FRK: variants seen among roughly 807,000 people sequenced by gnomAD.
FRK encodes fyn related Src family tyrosine kinase.
FRK carries 51 observed loss-of-function variants against 56.4 expected under a neutral mutation model. That is an observed-to-expected ratio of 0.90 (90% CI 0.72 to 1.14). The LOEUF (loss-of-function observed/expected upper bound fraction) is 1.14, where lower values mean the gene tolerates loss of function less well. Ranked by LOEUF, FRK falls within the 50% of genes most tolerant of loss-of-function variation. FRK has a pLI of 0.00. For synonymous variants in FRK, 245 were observed against 217.9 expected (o/e 1.12, Z -1.10); for missense variants, 570 against 601.4 (o/e 0.95, Z 0.55).
chr6:115,968,821 G>A (rs1773694044), intron 2 of FRK, 82 bp from the exon 3 acceptor site: 3 of 1,137,596 alleles, frequency 2.6e-6, no homozygotes, highest in African/African-American at 1.6e-5. Context: ...CATTTTCAAT[G>A]CATAAAATGA....
rs1049582440 is a variant in FRK, at chr6:115,938,727, A to C, written c.*3687T>G. On this transcript the variant is annotated 3_prime_UTR_variant, in exon 8 of 8. Coordinates refer to ENST00000606080, the MANE Select transcript of FRK (RefSeq NM_002031.3). ...AAATAAACTAGAAAATCTAGAAGAA[A>C]TGGGTAAATTCCTGCAAACATACAC... 5.3e-5 allele frequency: 8 copies of C among 152,336 alleles called. No individual in the cohort carries two copies. Among genetic ancestry groups the C allele is most frequent in the African/African-American group, 1.7e-4 (7 of 41,576 alleles). 9.4% of individuals were successfully genotyped at this position (152,336 alleles called of 1,614,324 possible).
intron 2 of FRK, among the ~76,000 whole-genome samples, chr6:115,999,610 G>C (rs918445535): frequency 2.0e-5 from 3 of 152,190 alleles, no homozygotes; most frequent in African/African-American, 4.8e-5. Flanking sequence ...GAAAGAAAGA[G>C]ATAGAAAAGG....
the FRK span, among the ~76,000 whole-genome samples, chr6:116,094,858 G>T: frequency 6.6e-6 from 1 of 151,970 alleles, no homozygotes; most frequent in African/African-American, 2.4e-5. Context: ...AGATAGACAG[G>T]GAGTAAGAAA....
intron 4 of FRK, among the ~76,000 whole-genome samples, chr6:115,966,080 C>T (rs1412889141): frequency 7.6e-6 from 1 of 131,094 alleles, no homozygotes; most frequent in Non-Finnish European, 1.7e-5. Flanking sequence ...AAAAGAAATA[C>T]TTAAAAAAAA....
chr6:115,947,575 T>C (rs1204782069), intron 5 of FRK, among the ~76,000 whole-genome samples: 1 of 152,080 alleles, frequency 6.6e-6, no homozygotes, highest in African/African-American at 2.4e-5. Flanking sequence ...TCTTAAAATC[T>C]CCCACATCTT....
intron 4 of FRK, among the ~76,000 whole-genome samples, chr6:115,958,049 T>C (rs1220346060): frequency 6.6e-6 from 1 of 152,118 alleles, no homozygotes; most frequent in East Asian, 1.9e-4. Flanking sequence ...AGAGAGAGAA[T>C]AGGAGAAAAT....
At chr6:116,051,059 T>G (rs559653798) in intron 1 of FRK, among the ~76,000 whole-genome samples, 50 of 152,260 alleles carry the variant, frequency 3.3e-4, no homozygotes, top group African/African-American at 1.1e-3. Context: ...ATACTGGCCT[T>G]TCAGAGGAAC....
In FRK at chr6:115,962,017, A is replaced by C. The variant is rs560625259; in HGVS notation, c.800-5407T>G. Reference sequence around the variant, plus strand: ...GAGCAAAATCACCAGCTAACATCATAATGACAGGATCAAATTCACACATAA... The same window carrying C: ...GAGCAAAATCACCAGCTAACATCATCATGACAGGATCAAATTCACACATAA... On this transcript the variant is annotated intron_variant, in intron 4 of 7. Transcript: ENST00000606080. 2.5e-5 allele frequency among the ~76,000 whole-genome samples: 3 copies of C among 120,956 alleles called. No individual in the cohort carries two copies. The South Asian group carries it at 1.0e-3, about 41-fold the overall frequency. The allele number at this position is 120,956 out of a possible 152,430, so 79.4% of individuals were successfully genotyped here.
At chr6:115,954,892 G>A (rs1772924745) in intron 5 of FRK, among the ~76,000 whole-genome samples, 2 of 152,112 alleles carry the variant, frequency 1.3e-5, no homozygotes, top group Non-Finnish European at 2.9e-5. Flanking sequence ...TGAGCCACCA[G>A]CCAACCTATT....
At chr6:116,044,849 C>A (rs1776875326) in intron 1 of FRK, among the ~76,000 whole-genome samples, 1 of 152,136 alleles carries the variant, frequency 6.6e-6, no homozygotes, top group Non-Finnish European at 1.5e-5. Context: ...TGTCTCAGCC[C>A]AAAATTTCCT....
chr6:116,067,371 A>T, the FRK span, among the ~76,000 whole-genome samples: 1 of 151,790 alleles, frequency 6.6e-6, no homozygotes, highest in South Asian at 2.1e-4. Context: ...CACTATTTTT[A>T]TTTTTATTTT....
intron 1 of FRK, among the ~76,000 whole-genome samples, chr6:116,041,618 G>C (rs538350997): frequency 6.6e-6 from 1 of 152,106 alleles, no homozygotes; most frequent in Non-Finnish European, 1.5e-5. Flanking sequence ...AGAATGAGGC[G>C]TCGCCTCACC....
At chr6:115,995,194 A>G (rs1774791183) in intron 2 of FRK, among the ~76,000 whole-genome samples, 1 of 152,184 alleles carries the variant, frequency 6.6e-6, no homozygotes, top group African/African-American at 2.4e-5. Flanking sequence ...TTATAGAGCT[A>G]CTATGATTCT....
the FRK span, among the ~76,000 whole-genome samples, chr6:116,072,807 C>T: frequency 2.0e-5 from 3 of 151,978 alleles, no homozygotes; most frequent in South Asian, 2.1e-4. Flanking sequence ...TAACTGATAA[C>T]CTAGATAAGG....
At chr6:115,993,098 C>T (rs867530847) in intron 2 of FRK, among the ~76,000 whole-genome samples, 2 of 151,614 alleles carry the variant, frequency 1.3e-5, no homozygotes, top group South Asian at 2.1e-4. Context: ...AATACTAATG[C>T]TAAAATTTTT....
the FRK span, among the ~76,000 whole-genome samples, chr6:116,081,228 G>A: frequency 6.6e-6 from 1 of 152,186 alleles, no homozygotes; most frequent in Non-Finnish European, 1.5e-5. Flanking sequence ...GATTTCAGTG[G>A]AGACACAGCC....
chr6:116,099,753 A>G, the FRK span, among the ~76,000 whole-genome samples: 1 of 152,360 alleles, frequency 6.6e-6, no homozygotes, highest in East Asian at 1.9e-4. Flanking sequence ...AAGGATTAGT[A>G]TTTGAAAGGG....
chr6:115,954,624 G>A (rs1261878144), intron 5 of FRK, among the ~76,000 whole-genome samples: 4 of 152,188 alleles, frequency 2.6e-5, no homozygotes, highest in Admixed American at 6.5e-5. Context: ...GGAGAATACA[G>A]GGAGATCAGT....
chr6:116,080,801 A>G, the FRK span, among the ~76,000 whole-genome samples: 3 of 152,218 alleles, frequency 2.0e-5, no homozygotes, highest in East Asian at 1.9e-4. Context: ...TAACACTACA[A>G]TGAGATCTAT....
Sources: allele counts gnomAD v4.1 joint callset (sites outside exome capture counted in the v4.1 genomes callset), GRCh38; gene constraint gnomAD v4.1.1; transcripts MANE v1.5; gene names NCBI Gene and HGNC (gene_info 2026-07-23, HGNC 2026-07-21).